The following MRPS28 variants were observed in gnomAD, a reference collection of about 807,000 sequenced individuals.
MRPS28 encodes small ribosomal subunit protein bS1m.
MRPS28 carries 7 observed loss-of-function variants against 10.8 expected under a neutral mutation model. The ratio of observed to expected loss-of-function variants is 0.65; its 90% CI spans 0.37 to 1.22. The LOEUF is 1.22. Among genes scored for constraint, MRPS28 ranks in the 50% most tolerant of loss-of-function variants. The pLI is 0.02. For synonymous variants in MRPS28, 121 were observed against 93.3 expected (o/e 1.30, Z -1.71); for missense variants, 265 against 232.9 (o/e 1.14, Z -0.90).
chr8:79,920,947 T>C (rs1810076555), intron 2 of MRPS28, among the ~76,000 whole-genome samples: 1 of 152,226 alleles, frequency 6.6e-6, no homozygotes, highest in African/African-American at 2.4e-5. Context: ...CTTTAATCCA[T>C]CTTGAATTAA....
At chr8:79,940,450 C>G (rs1237013894) in intron 2 of MRPS28, among the ~76,000 whole-genome samples, 1 of 152,202 alleles carries the variant, frequency 6.6e-6, no homozygotes, top group Non-Finnish European at 1.5e-5. Flanking sequence ...AAAAGTTTCT[C>G]TTACCAAATT....
chr8:79,924,797 G>C (rs574234868), intron 2 of MRPS28, among the ~76,000 whole-genome samples: 1 of 151,904 alleles, frequency 6.6e-6, no homozygotes, highest in Non-Finnish European at 1.5e-5. Context: ...ATGTTCCCTC[G>C]ACCTGTCTAG....
chr8:79,926,336 T>C (rs1810235501), intron 2 of MRPS28, among the ~76,000 whole-genome samples: 2 of 152,228 alleles, frequency 1.3e-5, no homozygotes, highest in African/African-American at 2.4e-5. Flanking sequence ...TTTTTCAGTG[T>C]AGCACAGAGG....
intron 2 of MRPS28, among the ~76,000 whole-genome samples, chr8:79,994,732 A>C (rs2130132577): frequency 6.6e-6 from 1 of 152,304 alleles, no homozygotes; most frequent in East Asian, 1.9e-4. Context: ...CCTTGTTACA[A>C]TATTTTAATG....
chr8:80,007,660 C>T (rs539515312), intron 1 of MRPS28, among the ~76,000 whole-genome samples: 3 of 152,114 alleles, frequency 2.0e-5, no homozygotes, highest in Non-Finnish European at 4.4e-5. Flanking sequence ...CATGAGTGAA[C>T]TCCCATTCAC....
At chr8:80,025,880 T>G (rs1465524965) in intron 1 of MRPS28, among the ~76,000 whole-genome samples, 1 of 152,188 alleles carries the variant, frequency 6.6e-6, no homozygotes, top group Non-Finnish European at 1.5e-5. Flanking sequence ...TGTAATATAT[T>G]TTAAAACAGT....
intron 2 of MRPS28, among the ~76,000 whole-genome samples, chr8:79,988,834 T>C (rs1445153420): frequency 6.6e-6 from 1 of 152,218 alleles, no homozygotes; most frequent in East Asian, 1.9e-4. Flanking sequence ...TTCTTCCTGT[T>C]ACTTGTCTTG....
At chr8:79,943,905 G>C (rs1474369836) in intron 2 of MRPS28, among the ~76,000 whole-genome samples, 1 of 152,116 alleles carries the variant, frequency 6.6e-6, no homozygotes, top group Non-Finnish European at 1.5e-5. Context: ...GTGATAGTGT[G>C]ATGTGAGCAA....
intron 2 of MRPS28, among the ~76,000 whole-genome samples, chr8:79,951,444 G>A (rs986250151): frequency 2.6e-5 from 4 of 152,180 alleles, no homozygotes; most frequent in Non-Finnish European, 4.4e-5. Flanking sequence ...CACACAGGCA[G>A]CAATCCCTTG....
intron 2 of MRPS28, among the ~76,000 whole-genome samples, chr8:79,956,078 T>A (rs941243919): frequency 2.0e-5 from 3 of 152,128 alleles, no homozygotes; most frequent in African/African-American, 7.2e-5. Context: ...AATTTTTTTT[T>A]ATTTTTTTAA....
rs1370994193 is a variant in MRPS28, at chr8:80,030,154, T to C, written c.95A>G (p.Glu32Gly). ...GGAACTACCACTTTCGGATCCACTC[T>C]CAGTGCCTACACCCCGAAAGGGCCT... ...FFRPFRGVGT[E>G]SGSESGSSNA... Residue 32 changes from glutamate to glycine, a missense_variant, in exon 1 of 3, where the codon GAG becomes GGG. By Grantham distance (98) the Glu-to-Gly change is moderately conservative. Transcript: ENST00000276585. 1.1e-5 allele frequency: 18 copies of C among 1,613,830 alleles called. No homozygotes were observed. The highest frequency in any genetic ancestry group is 1.4e-5 in the Non-Finnish European group (17 of 1,180,028).
chr8:79,967,761 T>C (rs925563160), intron 2 of MRPS28, among the ~76,000 whole-genome samples: 7 of 152,016 alleles, frequency 4.6e-5, no homozygotes, highest in African/African-American at 7.2e-5. Flanking sequence ...TTTCCTCAAG[T>C]AGCAAAAGAC....
intron 1 of MRPS28, among the ~76,000 whole-genome samples, chr8:80,024,802 T>C (rs1203728904): frequency 6.6e-6 from 1 of 152,238 alleles, no homozygotes; most frequent in Admixed American, 6.5e-5. Flanking sequence ...GGCCCCTTGT[T>C]CTTCAGGAAC....
intron 2 of MRPS28, among the ~76,000 whole-genome samples, chr8:79,990,225 C>T (rs947413498): frequency 2.0e-5 from 3 of 152,068 alleles, no homozygotes; most frequent in Admixed American, 6.6e-5. Flanking sequence ...GCCCTTTGAA[C>T]AGTTCTCTAC....
At chr8:80,024,199 A>G (rs1809442029) in intron 1 of MRPS28, among the ~76,000 whole-genome samples, 1 of 152,048 alleles carries the variant, frequency 6.6e-6, no homozygotes, top group East Asian at 1.9e-4. Context: ...ACTGCACCCC[A>G]GCCTCAGCAA....
At chr8:80,024,229 G>GAA (rs796573322) in intron 1 of MRPS28, among the ~76,000 whole-genome samples, 2 of 139,300 alleles carry the variant, frequency 1.4e-5, no homozygotes, top group Non-Finnish European at 1.6e-5. Context: ...ACCCTGTCTG[G>GAA]AAAAAAAAAA....
intron 1 of MRPS28, among the ~76,000 whole-genome samples, chr8:80,003,846 G>A (rs774786648): frequency 1.3e-5 from 2 of 152,168 alleles, no homozygotes; most frequent in Non-Finnish European, 2.9e-5. Flanking sequence ...TATATCCCAT[G>A]CCTGGCTTGG....
At chr8:80,020,249 G>A (rs1014550933) in intron 1 of MRPS28, among the ~76,000 whole-genome samples, 1 of 152,158 alleles carries the variant, frequency 6.6e-6, no homozygotes, top group African/African-American at 2.4e-5. Context: ...AGAGAAAACA[G>A]ATTGTAAATG....
intron 2 of MRPS28, among the ~76,000 whole-genome samples, chr8:79,949,036 A>G (rs1264665035): frequency 6.6e-6 from 1 of 152,178 alleles, no homozygotes; most frequent in African/African-American, 2.4e-5. Flanking sequence ...CCTGTTTGAC[A>G]ATTATTCATA....
Sources: allele counts gnomAD v4.1 joint callset (sites outside exome capture counted in the v4.1 genomes callset), GRCh38; gene constraint gnomAD v4.1.1; transcripts MANE v1.5; gene names NCBI Gene and HGNC (gene_info 2026-07-23, HGNC 2026-07-21).